GRIA4: variants seen among roughly 807,000 people sequenced by gnomAD.
The protein encoded by GRIA4 is glutamate ionotropic receptor AMPA type subunit 4.
GRIA4 carries 34 observed loss-of-function variants against 104.0 expected under a neutral mutation model. The observed-to-expected ratio is 0.33, with a 90% CI of 0.25 to 0.44. The LOEUF is 0.44. Ranked by LOEUF, GRIA4 falls within the 20% of genes least tolerant of loss-of-function variation. The pLI, the probability that GRIA4 is intolerant of heterozygous loss-of-function variation, is 1.00. For missense variants in GRIA4, 750 were observed against 1,096.5 expected (o/e 0.68, Z 4.46); for synonymous variants, 386 against 381.9 (o/e 1.01, Z -0.13).
intron 4 of GRIA4, among the ~76,000 whole-genome samples, chr11:105,761,233 G>A (rs1940632435): frequency 6.6e-6 from 1 of 152,088 alleles, no homozygotes; most frequent in East Asian, 1.9e-4. Flanking sequence ...TCTCTCATTT[G>A]TCATGCTTTT....
rs181046479 is a variant in GRIA4 at position 105,773,390 on chromosome 11, A to T, written c.487+20170A>T. Among the ~76,000 whole-genome samples the T allele has an allele frequency of 3.0e-3, 460 of 152,278 alleles. 4 individuals are homozygous for T. The highest frequency in any genetic ancestry group is 0.011 in the African/African-American group (444 of 41,568). On this transcript the variant is annotated intron_variant, in intron 4 of 16. Coordinates refer to ENST00000282499, the MANE Select transcript of GRIA4 (RefSeq NM_000829.4). ...AACTAAATTGAAAAGAATTTAATGA[A>T]CTGGCTTTATAATAACTGAATTCAT...
At chr11:105,822,999 T>C (rs922348223) in intron 4 of GRIA4, among the ~76,000 whole-genome samples, 1 of 152,168 alleles carries the variant, frequency 6.6e-6, no homozygotes, top group Admixed American at 6.6e-5. Context: ...TATGTATTTA[T>C]AGCCTCTTCC....
intron 3 of GRIA4, among the ~76,000 whole-genome samples, chr11:105,692,255 TAAAA>T (rs749702613): frequency 4.9e-4 from 68 of 139,738 alleles, no homozygotes; most frequent in African/African-American, 1.4e-3. Context: ...CTCTTTTTTT[TAAAA>T]AAAAAAAGAA....
At chr11:105,651,255 A>G (rs1319791742) in intron 3 of GRIA4, among the ~76,000 whole-genome samples, 5 of 152,196 alleles carry the variant, frequency 3.3e-5, no homozygotes, top group African/African-American at 9.6e-5. Flanking sequence ...TTTTCCTTAA[A>G]TAATGCATAC....
At chr11:105,811,966 A>T (rs1269732750) in intron 4 of GRIA4, among the ~76,000 whole-genome samples, 3 of 152,044 alleles carry the variant, frequency 2.0e-5, no homozygotes, top group Non-Finnish European at 4.4e-5. Flanking sequence ...CCTCTCCCCC[A>T]TGCTTTTTAG....
rs114446012 is a variant in GRIA4 at position 105,969,182 on chromosome 11, T to C, written c.2295-2732T>C. On this transcript the variant is annotated intron_variant, in intron 14 of 16. Coordinates refer to ENST00000282499, the MANE Select transcript of GRIA4 (RefSeq NM_000829.4). Reference sequence around the variant, plus strand: ...ACAGCCCATTTCTGACTTTGATAGATGCTATACTTACAAATAAGCCACTTT... The same window carrying C: ...ACAGCCCATTTCTGACTTTGATAGACGCTATACTTACAAATAAGCCACTTT... Among the ~76,000 whole-genome samples, 1,149 of 152,306 alleles carry C rather than the reference T, an allele frequency of 7.5e-3. 13 individuals carry two copies. The highest frequency in any genetic ancestry group is 0.026 in the African/African-American group (1,068 of 41,570).
chr11:105,703,964 G>T (rs1366485267), intron 3 of GRIA4, among the ~76,000 whole-genome samples: 1 of 152,120 alleles, frequency 6.6e-6, no homozygotes, highest in Non-Finnish European at 1.5e-5. Context: ...AAGCAAATAG[G>T]AGGACTTAAA....
chr11:105,738,154 G>A (rs911646887), intron 3 of GRIA4, among the ~76,000 whole-genome samples: 1 of 152,062 alleles, frequency 6.6e-6, no homozygotes, highest in Middle Eastern at 3.2e-3. Flanking sequence ...GAGTGGAAGC[G>A]AATTTAATGT....
At chr11:105,856,205 T>C (rs1239938416) in intron 4 of GRIA4, among the ~76,000 whole-genome samples, 1 of 152,152 alleles carries the variant, frequency 6.6e-6, no homozygotes, top group Non-Finnish European at 1.5e-5. Flanking sequence ...CCCACATCCA[T>C]TGTATTTTCC....
chr11:105,834,964 A>G (rs1030446945), intron 4 of GRIA4, among the ~76,000 whole-genome samples: 2 of 152,210 alleles, frequency 1.3e-5, no homozygotes, highest in Middle Eastern at 3.4e-3. Flanking sequence ...CAATCAATAT[A>G]TGTATAAGAT....
chr11:105,653,867 G>A (rs986868268), intron 3 of GRIA4, among the ~76,000 whole-genome samples: 1 of 151,840 alleles, frequency 6.6e-6, no homozygotes, highest in African/African-American at 2.4e-5. Flanking sequence ...CATGAGAGAA[G>A]CATTTTGAGT....
intron 5 of GRIA4, among the ~76,000 whole-genome samples, chr11:105,877,358 A>T (rs1945867696): frequency 6.6e-6 from 1 of 151,902 alleles, no homozygotes; most frequent in South Asian, 2.1e-4. Context: ...CTTCATTTCA[A>T]CCTTGGTGAA....
chr11:105,855,269 T>C (rs904734067), intron 4 of GRIA4, among the ~76,000 whole-genome samples: 5 of 152,152 alleles, frequency 3.3e-5, no homozygotes, highest in Non-Finnish European at 7.4e-5. Flanking sequence ...GGTATCGCAA[T>C]ATTGAATAGG....
At chr11:105,966,453 A>C (rs1858373607) in intron 14 of GRIA4, among the ~76,000 whole-genome samples, 1 of 152,104 alleles carries the variant, frequency 6.6e-6, no homozygotes, top group South Asian at 2.1e-4. Flanking sequence ...ACTTCTACCA[A>C]ATATTGCTTA....
At chr11:105,668,317 G>T (rs998183156) in intron 3 of GRIA4, among the ~76,000 whole-genome samples, 1 of 146,054 alleles carries the variant, frequency 6.8e-6, no homozygotes, top group East Asian at 2.0e-4. Flanking sequence ...AGACATAATA[G>T]AATATTATTC....
intron 4 of GRIA4, among the ~76,000 whole-genome samples, chr11:105,792,466 A>C (rs536152348): frequency 7.2e-5 from 11 of 152,126 alleles, no homozygotes; most frequent in Non-Finnish European, 1.3e-4. Flanking sequence ...GTATTATAAG[A>C]AGCACCATTT....
intron 4 of GRIA4, among the ~76,000 whole-genome samples, chr11:105,857,453 G>A (rs1468565757): frequency 6.6e-6 from 1 of 152,084 alleles, no homozygotes; most frequent in Admixed American, 6.6e-5. Flanking sequence ...TATGCCCCTT[G>A]CCATGTTCCC....
intron 7 of GRIA4, among the ~76,000 whole-genome samples, chr11:105,899,765 G>A (rs544529881): frequency 1.3e-5 from 2 of 152,200 alleles, no homozygotes; most frequent in Non-Finnish European, 2.9e-5. Context: ...ATGGGTGTTT[G>A]TGTTTAAAGA....
chr11:105,653,269 C>A (rs1025353646), intron 3 of GRIA4, among the ~76,000 whole-genome samples: 6 of 152,182 alleles, frequency 3.9e-5, no homozygotes, highest in Admixed American at 6.5e-5. Flanking sequence ...AGCACACTTT[C>A]CAGCTTCTCT....
Sources: gnomAD v4.1 joint callset for allele counts (sites outside exome capture counted in the v4.1 genomes callset) on GRCh38, gnomAD v4.1.1 for gene constraint, MANE v1.5 for transcripts, NCBI Gene and HGNC (gene_info 2026-07-23, HGNC 2026-07-21) for gene names.